Variants in GALNT7 observed in about 807,000 individuals in gnomAD.
The protein encoded by GALNT7 is N-acetylgalactosaminyltransferase 7.
GALNT7 carries 60 observed loss-of-function variants against 82.1 expected under a neutral mutation model. The ratio of observed to expected loss-of-function variants is 0.73; its 90% CI spans 0.59 to 0.91. GALNT7 has a LOEUF of 0.91. Ranked by LOEUF, GALNT7 falls within the 40% of genes least tolerant of loss-of-function variation. GALNT7 has a pLI of 0.00. For missense variants in GALNT7, 660 were observed against 804.2 expected (o/e 0.82, Z 2.17); for synonymous variants, 243 against 275.1 (o/e 0.88, Z 1.15).
chr4:173,262,960 A>C (rs1341522651), intron 2 of GALNT7, among the ~76,000 whole-genome samples: 2 of 152,168 alleles, frequency 1.3e-5, no homozygotes, highest in African/African-American at 4.8e-5. Context: ...AGGTATATTA[A>C]GTATATTAGG....
chr4:173,214,802 A>AT (rs11330284), intron 1 of GALNT7, among the ~76,000 whole-genome samples: 2,008 of 147,216 alleles, frequency 0.014, 31 homozygotes, highest in African/African-American at 0.032. Flanking sequence ...TATGACTTGG[A>AT]TTTTTTTTTT....
chr4:173,287,733 C>T (rs1448592573), intron 2 of GALNT7, among the ~76,000 whole-genome samples: 3 of 152,206 alleles, frequency 2.0e-5, no homozygotes. Context: ...GGCCTTGGCC[C>T]TTCACCCTTG....
At chr4:173,217,170 C>A (rs972460333) in intron 1 of GALNT7, among the ~76,000 whole-genome samples, 1 of 152,014 alleles carries the variant, frequency 6.6e-6, no homozygotes, top group South Asian at 2.1e-4. Flanking sequence ...GCCCAGTTAA[C>A]CAGAGAATGG....
rs10434405 is a variant in GALNT7 at position 173,246,830 on chromosome 4, A to G, written c.127-1150A>G. Among the ~76,000 whole-genome samples the G allele has an allele frequency of 4.5e-3, 690 of 152,290 alleles. 44 individuals are homozygous for G. In the East Asian group the frequency reaches 0.11, roughly 25 times the overall value. On this transcript the variant is annotated intron_variant, in intron 1 of 11. Coordinates refer to ENST00000265000, the MANE Select transcript of GALNT7 (RefSeq NM_017423.3). ...ATTTTGGTCGGGTGGTGCTAATTCT[A>G]TGACTACTCTGTTGGGGAATCACAC...
chr4:173,270,509 C>G (rs1735682815), intron 2 of GALNT7, among the ~76,000 whole-genome samples: 1 of 152,294 alleles, frequency 6.6e-6, no homozygotes, highest in East Asian at 1.9e-4. Flanking sequence ...TTCAAGATCA[C>G]CATAGAGGTC....
At chr4:173,189,731 A>C (rs531662636) in intron 1 of GALNT7, among the ~76,000 whole-genome samples, 1 of 152,362 alleles carries the variant, frequency 6.6e-6, no homozygotes, top group Non-Finnish European at 1.5e-5. Flanking sequence ...TTCTGTGTAC[A>C]AAATTAACAT....
intron 8 of GALNT7, among the ~76,000 whole-genome samples, chr4:173,308,433 GT>G (rs553478218): frequency 1.3e-4 from 20 of 149,384 alleles, no homozygotes; most frequent in Non-Finnish European, 1.0e-4. Flanking sequence ...ATATGGTTTG[GT>G]TTTTTTTTTA....
intron 8 of GALNT7, among the ~76,000 whole-genome samples, chr4:173,306,915 G>A (rs190065614): frequency 7.9e-4 from 121 of 152,214 alleles, no homozygotes; most frequent in Non-Finnish European, 1.3e-3. Context: ...CACCTCTTGC[G>A]GACTTTACAG....
chr4:173,225,018 A>AAATAATAATAATAATAATAATAAT (rs70944438), intron 1 of GALNT7, among the ~76,000 whole-genome samples: 7 of 144,576 alleles, frequency 4.8e-5, no homozygotes, highest in African/African-American at 1.8e-4. Context: ...CTGTCTCAAA[A>AAATAATAATAATAATAATAATAAT]AATAATAATA....
intron 1 of GALNT7, among the ~76,000 whole-genome samples, chr4:173,230,393 A>G (rs984202332): frequency 2.0e-5 from 3 of 152,200 alleles, no homozygotes; most frequent in African/African-American, 4.8e-5. Context: ...AAATAAAATG[A>G]TTATTTTAAT....
At chr4:173,184,275 C>T (rs796635397) in intron 1 of GALNT7, among the ~76,000 whole-genome samples, 4 of 151,886 alleles carry the variant, frequency 2.6e-5, no homozygotes, top group African/African-American at 9.7e-5. Context: ...TGTAGCGAGC[C>T]GAGATCACGC....
At chr4:173,187,810 A>G (rs892970905) in intron 1 of GALNT7, among the ~76,000 whole-genome samples, 1 of 152,210 alleles carries the variant, frequency 6.6e-6, no homozygotes. Context: ...TCTTACTCCT[A>G]TAGTCTGTGT....
In GALNT7 at chr4:173,292,386, G is replaced by A; in HGVS notation, c.754+112G>A. On this transcript the variant is annotated intron_variant, in intron 3 of 11. Transcript: ENST00000265000. This position sits in a 1 kb window ranked among gnomAD's most constrained non-coding sequence, Gnocchi z 4.8. ...AAAAAATTAATAGCATCTATTGATA[G>A]CATCTGTTATCAACAAGTTGACACT... The A allele has an allele frequency of 1.6e-6, 1 of 640,466 alleles. No homozygotes were observed. Among genetic ancestry groups the A allele is most frequent in the Non-Finnish European group, 2.7e-6 (1 of 373,956 alleles). 39.7% of individuals were successfully genotyped at this position (640,466 alleles called of 1,614,324 possible). A position where few individuals can be genotyped will look rare whatever the true frequency, so the allele number is the denominator to read the frequency against.
Position 173,187,559 on chromosome 4 carries a change from A to C in GALNT7, c.126+18598A>C, listed in dbSNP as rs867953849. 2.0e-5 allele frequency among the ~76,000 whole-genome samples: 3 copies of C among 152,346 alleles called. No individual in the cohort carries two copies. The East Asian group carries it at 5.8e-4, about 29-fold the overall frequency. On this transcript the variant is annotated intron_variant, in intron 1 of 11. Coordinates refer to ENST00000265000, the MANE Select transcript of GALNT7 (RefSeq NM_017423.3). Reference sequence around the variant, plus strand: ...GTGCTTTCTGGCAAAACCAGCAATTAAATGAAGAGAAACAGAAGCCATCAC... The same window carrying C: ...GTGCTTTCTGGCAAAACCAGCAATTCAATGAAGAGAAACAGAAGCCATCAC...
At chr4:173,170,880 T>A (rs1016574060) in intron 1 of GALNT7, among the ~76,000 whole-genome samples, 3 of 152,202 alleles carry the variant, frequency 2.0e-5, no homozygotes, top group Non-Finnish European at 2.9e-5. Context: ...TGGAATATTT[T>A]ATTAGTGCAA....
chr4:173,170,957 T>TG (rs1187148233), intron 1 of GALNT7, among the ~76,000 whole-genome samples: 1 of 152,234 alleles, frequency 6.6e-6, no homozygotes, highest in Non-Finnish European at 1.5e-5. Flanking sequence ...GATGATATCT[T>TG]GATTTTTTGT....
rs1737863762 is a variant in GALNT7, at chr4:173,322,597, T to A, written c.*880T>A. ...ACATTTGGGATTTACTTTTCTCCAA[T>A]ACCTGCCAATACAGAAAACTATTAT... On this transcript the variant is annotated 3_prime_UTR_variant, in exon 12 of 12. Transcript: ENST00000265000. The A allele has an allele frequency of 6.6e-6, 1 of 152,178 alleles. No homozygotes were observed. Among genetic ancestry groups the A allele is most frequent in the Admixed American group, 6.6e-5 (1 of 15,260 alleles). 9.4% of individuals were successfully genotyped at this position (152,178 alleles called of 1,614,324 possible).
At position 173,320,977 on chromosome 4, in the gene GALNT7, A is replaced by G. The variant is rs950965319; in HGVS notation, c.1837-603A>G. Among the ~76,000 whole-genome samples, 9 of 152,206 alleles carry G rather than the reference A, an allele frequency of 5.9e-5. No individual in the cohort carries two copies. Among genetic ancestry groups the G allele is most frequent in the African/African-American group, 2.2e-4 (9 of 41,462 alleles). On this transcript the variant is annotated intron_variant, in intron 11 of 11. Coordinates refer to ENST00000265000, the MANE Select transcript of GALNT7 (RefSeq NM_017423.3). This position sits in a 1 kb window ranked among gnomAD's most constrained non-coding sequence, Gnocchi z 4.1. The stretch of plus-strand genomic sequence containing the variant: ...CAGTTTTACTCACCATTGCTTTTGC[A>G]CTATCGGTATAAATGTTGCTAAAGT...
chr4:173,249,638 C>T (rs1301042487), intron 2 of GALNT7, among the ~76,000 whole-genome samples: 4 of 152,172 alleles, frequency 2.6e-5, no homozygotes, highest in Non-Finnish European at 4.4e-5. Context: ...AATAAAAATA[C>T]AAGATGCCCA....
Sources: allele counts gnomAD v4.1 joint callset (sites outside exome capture counted in the v4.1 genomes callset), GRCh38; gene constraint gnomAD v4.1.1; non-coding constraint Gnocchi (gnomAD v3.1); transcripts MANE v1.5; gene names NCBI Gene and HGNC (gene_info 2026-07-23, HGNC 2026-07-21).